Variants in POLR2D observed in about 807,000 individuals in gnomAD.
POLR2D encodes the protein DNA-directed RNA polymerase II subunit RPB4.
A neutral mutation model predicts 17.6 loss-of-function variants in POLR2D; 10 were observed. The ratio of observed to expected loss-of-function variants is 0.57; its 90% CI spans 0.35 to 0.96. POLR2D has a LOEUF of 0.96. Among genes scored for constraint, POLR2D ranks in the 40% least tolerant of loss-of-function variants. The pLI is 0.02. For synonymous variants in POLR2D, 52 were observed against 60.2 expected, an observed-to-expected ratio of 0.86 and a Z score of 0.63; for missense variants, 126 against 176.4, an observed-to-expected ratio of 0.71 and a Z score of 1.62.
intron 1 of POLR2D, among the ~76,000 whole-genome samples, chr2:127,853,858 A>G (rs1333052086): frequency 6.6e-6 from 1 of 152,174 alleles, no homozygotes; most frequent in Non-Finnish European, 1.5e-5. Flanking sequence ...ACCACAAGGC[A>G]CAGTGGAGTT....
At chr2:127,848,740 T>C (rs927723326) in intron 3 of POLR2D, among the ~76,000 whole-genome samples, 3 of 152,170 alleles carry the variant, frequency 2.0e-5, no homozygotes, top group Admixed American at 1.3e-4. Context: ...ACGGTCTCGA[T>C]CTCCTGACCT....
At position 127,847,844 on chromosome 2, in the gene POLR2D, T is replaced by C. The variant is rs1040912475; in HGVS notation, c.*263A>G. On this transcript the variant is annotated 3_prime_UTR_variant, in exon 4 of 4. Transcript: ENST00000272645. ...TGAGGTAGTCAACAGTGTGGTTATG[T>C]GACCCCTCATCTCACACTTCGCAGA... The C allele has an allele frequency of 8.2e-6, 4 of 487,592 alleles. No individual in the cohort carries two copies. Among genetic ancestry groups the C allele is most frequent in the African/African-American group, 2.0e-5 (1 of 50,044 alleles). The allele number at this position is 487,592 out of a possible 1,614,324, so 30.2% of individuals were successfully genotyped here.
rs111324957 is a variant in POLR2D at position 127,853,824 on chromosome 2, A to G, written c.74-719T>C. 2.1e-3 allele frequency among the ~76,000 whole-genome samples: 320 copies of G among 152,132 alleles called. 1 individual carries two copies. Among genetic ancestry groups the G allele is most frequent in the African/African-American group, 7.4e-3 (305 of 41,472 alleles). On this transcript the variant is annotated intron_variant, in intron 1 of 3. Coordinates refer to ENST00000272645, the MANE Select transcript of POLR2D (RefSeq NM_004805.4). ...CACATCTTTAAGTTCACCCACAGTT[A>G]CATACCACAAGGCACAGTTACATAC...
At chr2:127,848,460 G>C (rs1367000167) in intron 3 of POLR2D, among the ~76,000 whole-genome samples, 1 of 151,508 alleles carries the variant, frequency 6.6e-6, no homozygotes, top group African/African-American at 2.4e-5. Context: ...TCTTAGGCTA[G>C]AGTGAAGTGG....
chr2:127,855,660 C>T (rs1424196268), intron 1 of POLR2D, among the ~76,000 whole-genome samples: 1 of 152,180 alleles, frequency 6.6e-6, no homozygotes, highest in Non-Finnish European at 1.5e-5. Context: ...GAGGCATTCC[C>T]AGGATTCAGC....
chr2:127,855,980 C>T (rs2461449), intron 1 of POLR2D, among the ~76,000 whole-genome samples: 5 of 152,054 alleles, frequency 3.3e-5, no homozygotes, highest in East Asian at 1.9e-4. Flanking sequence ...ACCGAGGATA[C>T]GTCATTACGA....
At chr2:127,856,765 A>G (rs1447736710) in intron 1 of POLR2D, 1 of 151,956 alleles carries the variant, frequency 6.6e-6, no homozygotes, top group Non-Finnish European at 1.5e-5. Context: ...TTGCCAGGCA[A>G]TGGCTCACAT....
At chr2:127,857,961 G>A (rs961859917) in intron 1 of POLR2D, 67 bp downstream of exon 1, 5 of 1,543,934 alleles carry the variant, frequency 3.2e-6, no homozygotes, top group South Asian at 1.2e-5. Context: ...GGCGAAGCGC[G>A]CATAACGCCA....
At chr2:127,856,156 C>T (rs1690324871) in intron 1 of POLR2D, among the ~76,000 whole-genome samples, 1 of 151,260 alleles carries the variant, frequency 6.6e-6, no homozygotes, top group Non-Finnish European at 1.5e-5. Context: ...TGGTGGCCTG[C>T]ACTTGTAGTC....
Position 127,848,226 on chromosome 2 carries a change from C to T in POLR2D, c.351-41G>A, listed in dbSNP as rs545163935. 1.8e-4 allele frequency: 235 copies of T among 1,333,568 alleles called. 3 individuals are homozygous for T. The South Asian group carries it at 2.6e-3, about 15-fold the overall frequency. The allele number at this position is 1,333,568 out of a possible 1,614,324, so 82.6% of individuals were successfully genotyped here. On this transcript the variant is annotated intron_variant, in intron 3 of 3. Coordinates refer to ENST00000272645, the MANE Select transcript of POLR2D (RefSeq NM_004805.4). ...AAGAAATGAGTGATTTGGCGACTGG[C>T]AATTTCCCCGCACTCTTCTTTGAGG...
intron 1 of POLR2D, among the ~76,000 whole-genome samples, chr2:127,855,190 A>G (rs1291693454): frequency 2.0e-5 from 3 of 152,190 alleles, no homozygotes; most frequent in South Asian, 4.1e-4. Context: ...TGAGGTCAGG[A>G]GTTCGAGACC....
Position 127,847,813 on chromosome 2 carries a change from C to A in POLR2D, c.*294G>T. ...AAAAGATGATGTGGAGGCCAAAAAC[C>A]AGGAATGAGGTAGTCAACAGTGTGG... On this transcript the variant is annotated 3_prime_UTR_variant, in exon 4 of 4. Transcript: ENST00000272645. The A allele has an allele frequency of 2.7e-6, 1 of 369,882 alleles. No individual in the cohort carries two copies. The highest frequency in any genetic ancestry group is 3.3e-5 in the South Asian group (1 of 30,158). 22.9% of individuals were successfully genotyped at this position (369,882 alleles called of 1,614,324 possible).
In POLR2D at chr2:127,850,697, GA is replaced by G. The variant is rs34858843; in HGVS notation, c.255-13del. 0.5 allele frequency: 503,892 copies of G among 1,006,036 alleles called. 97,792 individuals are homozygous for G. The highest frequency in any genetic ancestry group is 0.63 in the South Asian group (40,385 of 64,108). 62.3% of individuals were successfully genotyped at this position (1,006,036 alleles called of 1,614,324 possible). A position where few individuals can be genotyped will look rare whatever the true frequency, so the allele number is the denominator to read the frequency against. The stretch of plus-strand genomic sequence containing the variant: ...TCTGGAGTAGCAAGCTAATCAAAAG[GA>G]AAAAAAAAAAATCAAAATAATCAAA... On this transcript the variant is annotated splice_polypyrimidine_tract_variant and intron_variant, in intron 2 of 3. Transcript: ENST00000272645.
chr2:127,848,275 T>A lies in POLR2D; in HGVS notation c.351-90A>T. 4.2e-6 allele frequency: 3 copies of A among 712,782 alleles called. No individual in the cohort carries two copies. In the East Asian group the frequency reaches 7.8e-5, roughly 18 times the overall value. The allele number at this position is 712,782 out of a possible 1,614,324, so 44.2% of individuals were successfully genotyped here. The stretch of plus-strand genomic sequence containing the variant: ...GGCGTGCTAATCTACTGCCCACATC[T>A]CTAACACCTTTACCTTTCATCTGGA... On this transcript the variant is annotated intron_variant, in intron 3 of 3. Coordinates refer to ENST00000272645, the MANE Select transcript of POLR2D (RefSeq NM_004805.4).
At chr2:127,854,431 A>C (rs547807762) in intron 1 of POLR2D, among the ~76,000 whole-genome samples, 3 of 152,318 alleles carry the variant, frequency 2.0e-5, no homozygotes, top group African/African-American at 7.2e-5. Flanking sequence ...CTGAAGAGGA[A>C]GCAACAGTGA....
In POLR2D at chr2:127,848,758, C is replaced by T. The variant is rs570791311; in HGVS notation, c.351-573G>A. ...GTCTCGATCTCCTGACCTCGTGATC[C>T]GCCCGCCTCAGCCTCCCAAAGTGCT... On this transcript the variant is annotated intron_variant, in intron 3 of 3. Coordinates refer to ENST00000272645, the MANE Select transcript of POLR2D (RefSeq NM_004805.4). 1.1e-4 allele frequency among the ~76,000 whole-genome samples: 16 copies of T among 152,288 alleles called. 1 individual carries two copies. The highest frequency in any genetic ancestry group is 2.4e-4 in the African/African-American group (10 of 41,568).
rs1480381505 is a variant in POLR2D at position 127,858,111 on chromosome 2, C to T, written c.-11G>A. 6.8e-7 allele frequency: 1 copy of T among 1,480,878 alleles called. No homozygotes were observed. The allele number at this position is 1,480,878 out of a possible 1,614,324, so 91.7% of individuals were successfully genotyped here. On this transcript the variant is annotated 5_prime_UTR_variant, in exon 1 of 4. Coordinates refer to ENST00000272645, the MANE Select transcript of POLR2D (RefSeq NM_004805.4). ...GCCACCCGCCGCCATCGCCGCGCCG[C>T]GCCGCGCGCCACCACCAGCGCCGCC... is the stretch of plus-strand genomic sequence containing the variant.
At chr2:127,856,290 C>CGAAAAAAAAAAAAAAAAAAAAAA (rs1690326818) in intron 1 of POLR2D, among the ~76,000 whole-genome samples, 1 of 25,416 alleles carries the variant, frequency 3.9e-5, no homozygotes, top group Non-Finnish European at 7.0e-5. Context: ...GATCCCGTCT[C>CGAAAAAAAAAAAAAAAAAAAAAA]AAAAAAAAAA....
At chr2:127,851,855 A>G (rs2104724402) in intron 2 of POLR2D, among the ~76,000 whole-genome samples, 1 of 152,312 alleles carries the variant, frequency 6.6e-6, no homozygotes, top group Non-Finnish European at 1.5e-5. Context: ...CAGTGGCACG[A>G]TCTTGGCTGA....
Sources: allele counts gnomAD v4.1 joint callset (sites outside exome capture counted in the v4.1 genomes callset), GRCh38; gene constraint gnomAD v4.1.1; transcripts MANE v1.5; gene names NCBI Gene and HGNC (gene_info 2026-07-23, HGNC 2026-07-21).